SDK2: variants seen among roughly 807,000 people sequenced by gnomAD.
SDK2 encodes protein sidekick-2.
Under a neutral mutation model 253.9 loss-of-function variants are expected in SDK2, and 105 were observed. That is an observed-to-expected ratio of 0.41 (90% confidence interval 0.35 to 0.49). SDK2 has a LOEUF of 0.49. Ranked by LOEUF, SDK2 falls within the 20% of genes least tolerant of loss-of-function variation. The probability of loss-of-function intolerance (pLI) is 0.06; values close to 1 mark genes in which losing one functional copy is unlikely to be tolerated. For synonymous variants in SDK2, 1,249 were observed against 1,234.9 expected (o/e 1.01, Z -0.24); for missense variants, 2,608 against 3,003.0 (o/e 0.87, Z 3.07).
chr17:73,414,063 T>TA (rs1568390686), intron 18 of SDK2, among the ~76,000 whole-genome samples: 2 of 151,888 alleles, frequency 1.3e-5, no homozygotes. Context: ...TTTTTTTTTT[T>TA]TGGGACAGAG....
rs1355731790 is a variant in SDK2 at position 73,627,418 on chromosome 17, C to T, written c.64+16607G>A. ...GTATTCTTAAGACCGCATCTTTCAG[C>T]GACGCCTCCTTCCATGTGAGTTGAG... On this transcript the variant is annotated intron_variant, in intron 1 of 44. Coordinates refer to ENST00000392650, the MANE Select transcript of SDK2 (RefSeq NM_001144952.2). 3.3e-5 allele frequency among the ~76,000 whole-genome samples: 5 copies of T among 152,170 alleles called. No homozygotes were observed. In the East Asian group the frequency reaches 9.6e-4, roughly 29 times the overall value.
chr17:73,438,564 G>A (rs1052660179), intron 6 of SDK2, among the ~76,000 whole-genome samples: 2 of 152,170 alleles, frequency 1.3e-5, no homozygotes, highest in African/African-American at 4.8e-5. Context: ...AGGAGATGAA[G>A]GTGAGGGCAA....
At chr17:73,613,365 G>A (rs1040738453) in intron 1 of SDK2, among the ~76,000 whole-genome samples, 4 of 56,266 alleles carry the variant, frequency 7.1e-5, no homozygotes, top group Non-Finnish European at 1.1e-4. Context: ...CCCCACCCCC[G>A]CCCTCCAGGT....
In SDK2 at chr17:73,387,934, C is replaced by T. The variant is rs1398963118; in HGVS notation, c.4296G>A (p.Val1432=). The T allele has an allele frequency of 2.5e-6, 4 of 1,585,368 alleles. No individual in the cohort carries two copies. The highest frequency in any genetic ancestry group is 1.2e-5 in the South Asian group (1 of 86,634). ...WEPGSDGLSP[V]RYYTIQTREL... ...CGCGGGTCTGGATGGTGTAGTAGCGCACAGGGGAGAGCCCGTCGCTCCCTG... is the reference window on the plus strand; with the variant it reads ...CGCGGGTCTGGATGGTGTAGTAGCGTACAGGGGAGAGCCCGTCGCTCCCTG... The change falls in exon 30 of 45, where the codon GTG becomes GTA. Residue 1432 remains valine (V), a synonymous_variant. Transcript: ENST00000392650.
At chr17:73,540,386 C>G (rs1006226782) in intron 1 of SDK2, among the ~76,000 whole-genome samples, 3 of 152,220 alleles carry the variant, frequency 2.0e-5, no homozygotes, top group South Asian at 2.1e-4. Context: ...CACACACACA[C>G]AGTCCCCAAT....
chr17:73,548,119 C>T (rs970033901), intron 1 of SDK2, among the ~76,000 whole-genome samples: 3 of 152,206 alleles, frequency 2.0e-5, no homozygotes, highest in Admixed American at 6.5e-5. Flanking sequence ...TACAATTCCA[C>T]ATGAGATTTA....
intron 5 of SDK2, among the ~76,000 whole-genome samples, chr17:73,442,489 C>T (rs1362994770): frequency 6.6e-6 from 1 of 152,158 alleles, no homozygotes; most frequent in Non-Finnish European, 1.5e-5. Context: ...TGACAGGTGC[C>T]ACCACCACGT....
intron 31 of SDK2, 136 bp from the exon 32 acceptor site, chr17:73,386,053 G>A (rs1466695909): frequency 2.3e-6 from 1 of 442,332 alleles, no homozygotes; most frequent in South Asian, 2.0e-5. Flanking sequence ...CTGCTGGCCC[G>A]ATTTCTGCAG....
At chr17:73,436,251 C>G (rs998606821) in intron 8 of SDK2, among the ~76,000 whole-genome samples, 1 of 151,858 alleles carries the variant, frequency 6.6e-6, no homozygotes, top group Non-Finnish European at 1.5e-5. Flanking sequence ...CTCCTCTCCT[C>G]GCTCTCAGCC....
In SDK2 at chr17:73,379,323, T is replaced by G. The variant is rs752694148; in HGVS notation, c.4865-31A>C. ...GGGCGTGCAGGGTAGGCAGTGAGCA[T>G]GCGAGTAAACCTGGGAGGGGAGGTG... On this transcript the variant is annotated intron_variant, in intron 35 of 44. Coordinates refer to ENST00000392650, the MANE Select transcript of SDK2 (RefSeq NM_001144952.2). This position sits in a 1 kb window ranked among gnomAD's most constrained non-coding sequence, Gnocchi z 4.5. 4.7e-6 allele frequency: 6 copies of G among 1,283,726 alleles called. No homozygotes were observed. In the Admixed American group the frequency reaches 6.3e-5, roughly 14 times the overall value. The allele number at this position is 1,283,726 out of a possible 1,614,324, so 79.5% of individuals were successfully genotyped here.
At chr17:73,637,440 G>A (rs540388303) in intron 1 of SDK2, among the ~76,000 whole-genome samples, 14 of 152,286 alleles carry the variant, frequency 9.2e-5, no homozygotes, top group East Asian at 7.7e-4. Context: ...GTGCAGTAGC[G>A]TGTTCTCGGC....
intron 1 of SDK2, among the ~76,000 whole-genome samples, chr17:73,634,830 A>G (rs1233932157): frequency 6.6e-6 from 1 of 152,222 alleles, no homozygotes; most frequent in African/African-American, 2.4e-5. Context: ...CTAAAAGCTT[A>G]GCACAGCTCG....
At chr17:73,466,510 G>C (rs1393506000) in intron 3 of SDK2, among the ~76,000 whole-genome samples, 1 of 152,198 alleles carries the variant, frequency 6.6e-6, no homozygotes, top group Non-Finnish European at 1.5e-5. Context: ...ACCCTGCCAG[G>C]CAGAAGAAGG....
chr17:73,577,056 C>T (rs2045467262), intron 1 of SDK2, among the ~76,000 whole-genome samples: 1 of 152,196 alleles, frequency 6.6e-6, no homozygotes, highest in African/African-American at 2.4e-5. Flanking sequence ...GAAGCATGTC[C>T]CCTATGGGAG....
intron 44 of SDK2, among the ~76,000 whole-genome samples, chr17:73,340,737 T>TTTTTG (rs1568356877): frequency 8.2e-6 from 1 of 122,316 alleles, no homozygotes; most frequent in Non-Finnish European, 1.8e-5. Flanking sequence ...CCTTAAAGTT[T>TTTTTG]TTTTTTTTTT....
chr17:73,355,992 G>A lies in SDK2; in HGVS notation c.5593+2087C>T, dbSNP rs184230382. ...CACTTACGCCTCTGTCAAGCATCCT[G>A]GGTCTACGTGCTTTCCTTTTCAAAT... On this transcript the variant is annotated intron_variant, in intron 40 of 44. Coordinates refer to ENST00000392650, the MANE Select transcript of SDK2 (RefSeq NM_001144952.2). Among the ~76,000 whole-genome samples the A allele has an allele frequency of 2.8e-4, 42 of 152,290 alleles. No homozygotes were observed. In the East Asian group the frequency reaches 7.7e-3, roughly 28 times the overall value.
chr17:73,485,131 A>G (rs1038888404), intron 2 of SDK2, among the ~76,000 whole-genome samples: 1 of 152,186 alleles, frequency 6.6e-6, no homozygotes, highest in African/African-American at 2.4e-5. Context: ...AATTCAACTC[A>G]TAACAGCTGA....
intron 29 of SDK2, among the ~76,000 whole-genome samples, chr17:73,389,000 C>T (rs1047100698): frequency 6.0e-5 from 8 of 133,188 alleles, no homozygotes; most frequent in Non-Finnish European, 1.3e-4. Context: ...TCCCCTCCTT[C>T]CTTTTTCTTT....
chr17:73,350,568 G>C (rs1366815423), intron 42 of SDK2, 82 bp downstream of exon 42: 1 of 1,483,634 alleles, frequency 6.7e-7, no homozygotes, highest in African/African-American at 1.4e-5. Flanking sequence ...CCAGGAGAGG[G>C]ACCTGATCAC....
Sources: gnomAD v4.1 joint callset for allele counts (sites outside exome capture counted in the v4.1 genomes callset) on GRCh38, gnomAD v4.1.1 for gene constraint, Gnocchi (gnomAD v3.1) non-coding constraint, MANE v1.5 for transcripts, NCBI Gene and HGNC (gene_info 2026-07-23, HGNC 2026-07-21) for gene names.